BIK: variants seen among roughly 807,000 people sequenced by gnomAD.
BIK encodes the protein BCL2 interacting killer.
Under a neutral mutation model 12.1 loss-of-function variants are expected in BIK, and 14 were observed. The observed-to-expected ratio is 1.16, with a 90% CI of 0.77 to 1.81. The LOEUF (loss-of-function observed/expected upper bound fraction) is 1.81. BIK is among the 40% of genes most tolerant of loss of function. The probability of loss-of-function intolerance (pLI) is 0.00; values close to 1 mark genes in which losing one functional copy is unlikely to be tolerated. For synonymous variants in BIK, 86 were observed against 92.3 expected (o/e 0.93, Z 0.39); for missense variants, 215 against 207.9 (o/e 1.03, Z -0.21).
At chr22:43,128,187 T>G (rs566734575) in intron 3 of BIK, among the ~76,000 whole-genome samples, 1 of 151,828 alleles carries the variant, frequency 6.6e-6, no homozygotes, top group East Asian at 1.9e-4. Context: ...CAGTGGCTTG[T>G]GAGGGCCCTG....
intron 1 of BIK, 136 bp from the exon 2 acceptor site, chr22:43,123,879 GT>G: frequency 2.3e-6 from 2 of 876,064 alleles, no homozygotes; most frequent in Non-Finnish European, 3.4e-6. Context: ...GGGAGCTGGG[GT>G]TGGGGGATAT....
intron 1 of BIK, among the ~76,000 whole-genome samples, chr22:43,122,815 C>T (rs144562041): frequency 4.6e-5 from 7 of 152,256 alleles, no homozygotes; most frequent in Middle Eastern, 6.8e-3. Flanking sequence ...TCTGCCTCCC[C>T]ACTCTGCTCT....
chr22:43,125,444 G>C (rs183145828), intron 2 of BIK, among the ~76,000 whole-genome samples: 1 of 152,106 alleles, frequency 6.6e-6, no homozygotes, highest in Non-Finnish European at 1.5e-5. Flanking sequence ...CGTGGCTCAT[G>C]CCTGTAATCC....
chr22:43,127,881 C>A (rs1930350864), intron 3 of BIK, 86 bp downstream of exon 3: 5 of 1,307,706 alleles, frequency 3.8e-6, no homozygotes, highest in African/African-American at 1.5e-5. Context: ...CAGGGCTGGG[C>A]CCTGAGGAAG....
chr22:43,124,107 GTT>G lies in BIK; in HGVS notation c.86_87del (p.Val29AlafsTer5). On this transcript the variant is annotated frameshift_variant, in exon 2 of 5. Transcript: ENST00000216115. LOFTEE classifies it high-confidence loss of function. Reference sequence around the variant, plus strand: ...GCTCCTGGAACCCCCGACCATGGAGGTTCTTGGCATGACTGACTCTGAAGAGG... The same window carrying G: ...GCTCCTGGAACCCCCGACCATGGAGGCTTGGCATGACTGACTCTGAAGAGG... ...EQLLEPPTME[V>X]LGMTDSEEDL... The G allele has an allele frequency of 6.2e-7, 1 of 1,614,178 alleles. No individual in the cohort carries two copies. Among genetic ancestry groups the G allele is most frequent in the South Asian group, 1.1e-5 (1 of 91,074 alleles).
At chr22:43,123,580 C>T (rs1228399146) in intron 1 of BIK, among the ~76,000 whole-genome samples, 4 of 152,068 alleles carry the variant, frequency 2.6e-5, no homozygotes, top group African/African-American at 4.8e-5. Context: ...ATGAAACCCC[C>T]GTCTTTACTA....
rs4988444 is a variant in BIK at position 43,129,647 on chromosome 22, G to A, written c.*342G>A. 0.012 allele frequency: 3,875 copies of A among 320,458 alleles called. 44 individuals are homozygous for A. Among genetic ancestry groups the A allele is most frequent in the Admixed American group, 0.018 (385 of 21,508 alleles). 19.9% of individuals were successfully genotyped at this position (320,458 alleles called of 1,614,324 possible). ...CCCCTGTGTGATATGTGATGCCCTCGGCAAAGAATCTACTGGAATAGATTC... is the reference window on the plus strand; with the variant it reads ...CCCCTGTGTGATATGTGATGCCCTCAGCAAAGAATCTACTGGAATAGATTC... On this transcript the variant is annotated 3_prime_UTR_variant, in exon 5 of 5. Transcript: ENST00000216115.
chr22:43,127,120 G>A (rs181968916), intron 2 of BIK, among the ~76,000 whole-genome samples: 210 of 152,212 alleles, frequency 1.4e-3, no homozygotes, highest in African/African-American at 4.5e-3. Flanking sequence ...ATGCGGGTGG[G>A]GTGTAGGATC....
chr22:43,112,205 TG>T (rs1930024112), intron 1 of BIK, among the ~76,000 whole-genome samples: 1 of 151,744 alleles, frequency 6.6e-6, no homozygotes, highest in Non-Finnish European at 1.5e-5. Flanking sequence ...TGTTTCTTTT[TG>T]TTTTTTTTTG....
chr22:43,126,383 C>T (rs772579302), intron 2 of BIK, among the ~76,000 whole-genome samples: 3 of 152,040 alleles, frequency 2.0e-5, no homozygotes, highest in Non-Finnish European at 2.9e-5. Context: ...GACAGGGTTT[C>T]ATCATGTTAG....
chr22:43,117,616 C>T lies in BIK; in HGVS notation c.-7-6400C>T, dbSNP rs148210291. On this transcript the variant is annotated intron_variant, in intron 1 of 4. Coordinates refer to ENST00000216115, the MANE Select transcript of BIK (RefSeq NM_001197.5). ...CCATCTCCTGACCTTGTGATCTGCA[C>T]GCCTCAACCTCCCAAAGTGCTGGGA... Among the ~76,000 whole-genome samples the T allele has an allele frequency of 1.2e-3, 180 of 151,930 alleles. 3 individuals are homozygous for T. In the South Asian group the frequency reaches 0.022, roughly 18 times the overall value.
Position 43,129,288 on chromosome 22 carries a change from C to G in BIK, c.466C>G (p.His156Asp). The G allele has an allele frequency of 6.2e-7, 1 of 1,600,486 alleles. No homozygotes were observed. Among genetic ancestry groups the G allele is most frequent in the Non-Finnish European group, 8.5e-7 (1 of 1,179,372 alleles). Residue 156 changes from histidine (H) to aspartate (D), a missense_variant, in exon 5 of 5, where the codon CAC (histidine) becomes GAC (aspartate). Transcript: ENST00000216115. ...GCTGCCGCTGCTCAGCGGGGGCCTG[C>G]ACCTGCTGCTCAAGTGAGGCCCCGG... ...LLLPLLSGGL[H>D]LLLK
intron 1 of BIK, among the ~76,000 whole-genome samples, chr22:43,113,321 T>G (rs1471079387): frequency 6.6e-6 from 1 of 152,228 alleles, no homozygotes; most frequent in African/African-American, 2.4e-5. Flanking sequence ...TTGTTTGTTT[T>G]TTTGAGACGG....
chr22:43,115,617 C>T (rs1340324430), intron 1 of BIK, among the ~76,000 whole-genome samples: 1 of 152,110 alleles, frequency 6.6e-6, no homozygotes. Context: ...CGTGCGCCAC[C>T]ACGCCTGGCT....
intron 1 of BIK, 150 bp from the exon 2 acceptor site, chr22:43,123,866 T>G: frequency 1.3e-6 from 1 of 751,868 alleles, no homozygotes; most frequent in Non-Finnish European, 2.1e-6. Flanking sequence ...GATTCATGCC[T>G]GTGGGAGCTG....
intron 1 of BIK, among the ~76,000 whole-genome samples, chr22:43,120,091 G>A (rs1055483747): frequency 1.3e-5 from 2 of 152,240 alleles, no homozygotes; most frequent in Non-Finnish European, 2.9e-5. Flanking sequence ...GCAGGACCAG[G>A]CACCATCCAT....
intron 1 of BIK, among the ~76,000 whole-genome samples, chr22:43,117,111 CT>C (rs1361304321): frequency 2.1e-4 from 32 of 152,120 alleles, no homozygotes; most frequent in African/African-American, 7.0e-4. Context: ...TTCAAAGGCT[CT>C]GATTCTAGAT....
intron 1 of BIK, 109 bp from the exon 2 acceptor site, chr22:43,123,907 T>G: frequency 8.3e-7 from 1 of 1,204,256 alleles, no homozygotes; most frequent in Non-Finnish European, 1.2e-6. Context: ...CTTTAGCGGA[T>G]CAAAAGAGCT....
chr22:43,122,995 G>A (rs534208897), intron 1 of BIK, among the ~76,000 whole-genome samples: 1 of 152,292 alleles, frequency 6.6e-6, no homozygotes, highest in South Asian at 2.1e-4. Flanking sequence ...GGAGGGCCAT[G>A]GTTGGCTTAG....
Sources: allele counts gnomAD v4.1 joint callset (sites outside exome capture counted in the v4.1 genomes callset), GRCh38; gene constraint gnomAD v4.1.1; transcripts MANE v1.5; gene names NCBI Gene and HGNC (gene_info 2026-07-23, HGNC 2026-07-21).